The following TMTC2 variants were observed in gnomAD, a reference collection of about 807,000 sequenced individuals.
The protein encoded by TMTC2 is transmembrane O-mannosyltransferase targeting cadherins 2, also known as protein O-mannosyl-transferase TMTC2.
A neutral mutation model predicts 82.4 loss-of-function variants in TMTC2; 43 were observed. That is an observed-to-expected ratio of 0.52 (90% CI 0.41 to 0.67). TMTC2 has a LOEUF of 0.67. TMTC2 is among the 30% of genes least tolerant of loss of function. TMTC2 has a pLI of 0.00. For missense variants in TMTC2, 919 were observed against 1,012.4 expected, an observed-to-expected ratio of 0.91 and a Z score of 1.25; for synonymous variants, 408 against 381.9, an observed-to-expected ratio of 1.07 and a Z score of -0.80.
intron 3 of TMTC2, among the ~76,000 whole-genome samples, chr12:82,906,945 A>G (rs1025841973): frequency 6.6e-6 from 1 of 152,214 alleles, no homozygotes; most frequent in Non-Finnish European, 1.5e-5. Flanking sequence ...TTCTCAGTCC[A>G]TATCTTCTCT....
At chr12:82,724,085 G>A (rs1415630436) in intron 1 of TMTC2, among the ~76,000 whole-genome samples, 1 of 152,216 alleles carries the variant, frequency 6.6e-6, no homozygotes, top group African/African-American at 2.4e-5. Flanking sequence ...ATGCCCTGGG[G>A]AAAGAAATTT....
rs137876343 is a variant in TMTC2 at position 82,896,156 on chromosome 12, G to A, written c.993G>A (p.Pro331=). ...LLLAYYGLKS[P]SVDRECNGKT... is the part of the protein sequence containing the mutation. ...TTGCCTACTATGGTTTGAAGAGCCC[G>A]AGCGTAGACAGAGAATGCAATGGGA... Residue 331 remains proline (P), a synonymous_variant, in exon 3 of 12, where the codon CCG becomes CCA. Coordinates refer to ENST00000321196, the MANE Select transcript of TMTC2 (RefSeq NM_152588.3). The A allele has an allele frequency of 1.9e-5, 30 of 1,613,932 alleles. No homozygotes were observed. In the African/African-American group the frequency reaches 3.2e-4, roughly 17 times the overall value.
intron 1 of TMTC2, among the ~76,000 whole-genome samples, chr12:82,773,347 ATAAT>A (rs1451882142): frequency 1.3e-5 from 2 of 152,182 alleles, no homozygotes; most frequent in Admixed American, 1.3e-4. Flanking sequence ...TTTGTGATAA[ATAAT>A]TAATATTACT....
intron 8 of TMTC2, among the ~76,000 whole-genome samples, chr12:83,018,126 C>T (rs2019742): frequency 0.77 from 116,170 of 150,872 alleles, 46,069 homozygotes; most frequent in South Asian, 0.93. Context: ...GATTTGAGAG[C>T]AGCAAGTGGC....
At chr12:82,745,687 C>G (rs1338806853) in intron 1 of TMTC2, among the ~76,000 whole-genome samples, 2 of 152,096 alleles carry the variant, frequency 1.3e-5, no homozygotes, top group Non-Finnish European at 2.9e-5. Context: ...ATGCAGGTGT[C>G]ACATCAGCCT....
At chr12:83,007,562 T>C (rs11835460) in intron 8 of TMTC2, among the ~76,000 whole-genome samples, 2,712 of 152,298 alleles carry the variant, frequency 0.018, 70 homozygotes, top group African/African-American at 0.061. Context: ...GTATTCACAA[T>C]TCCTCCCTCC....
intron 3 of TMTC2, among the ~76,000 whole-genome samples, chr12:82,923,683 T>C (rs536052065): frequency 3.9e-5 from 6 of 152,310 alleles, no homozygotes; most frequent in African/African-American, 1.4e-4. Context: ...TCAGTTCTCA[T>C]TGTTCTCATA....
At chr12:83,029,006 G>A (rs1881300736) in intron 8 of TMTC2, among the ~76,000 whole-genome samples, 1 of 152,208 alleles carries the variant, frequency 6.6e-6, no homozygotes, top group Non-Finnish European at 1.5e-5. Flanking sequence ...AAATGAGGAA[G>A]TCTGTTGTCT....
intron 8 of TMTC2, among the ~76,000 whole-genome samples, chr12:82,996,936 G>C (rs915143044): frequency 6.6e-6 from 1 of 152,018 alleles, no homozygotes; most frequent in Non-Finnish European, 1.5e-5. Flanking sequence ...ATGACCTTAT[G>C]TTGTAAGATT....
At chr12:82,877,812 C>T (rs954601393) in intron 2 of TMTC2, among the ~76,000 whole-genome samples, 2 of 151,932 alleles carry the variant, frequency 1.3e-5, no homozygotes, top group African/African-American at 4.8e-5. Flanking sequence ...GTTTTAATGC[C>T]CCAATTAATA....
chr12:82,727,466 G>T (rs1874518717), intron 1 of TMTC2, among the ~76,000 whole-genome samples: 1 of 151,882 alleles, frequency 6.6e-6, no homozygotes. Flanking sequence ...GTTTTTTTAA[G>T]GCTGGGCGTG....
At chr12:83,080,274 A>C (rs12318195) in intron 11 of TMTC2, among the ~76,000 whole-genome samples, 1 of 152,298 alleles carries the variant, frequency 6.6e-6, no homozygotes, top group South Asian at 2.1e-4. Flanking sequence ...ACACAGTGAT[A>C]TATAAACAAA....
At chr12:83,089,586 G>A (rs369991954) in intron 11 of TMTC2, among the ~76,000 whole-genome samples, 1 of 152,232 alleles carries the variant, frequency 6.6e-6, no homozygotes. Context: ...AATAGTAATA[G>A]GCTGCTCTTA....
At chr12:83,067,579 A>T (rs985892914) in intron 11 of TMTC2, among the ~76,000 whole-genome samples, 6 of 152,144 alleles carry the variant, frequency 3.9e-5, no homozygotes, top group African/African-American at 1.4e-4. Context: ...TTTAGGTAGT[A>T]AATTATTTAA....
chr12:82,740,811 C>T (rs1023014879), intron 1 of TMTC2, among the ~76,000 whole-genome samples: 17 of 152,294 alleles, frequency 1.1e-4, no homozygotes, highest in African/African-American at 4.1e-4. Context: ...CAGTTGCCTA[C>T]CTTTCTTTGA....
intron 1 of TMTC2, among the ~76,000 whole-genome samples, chr12:82,810,414 T>A (rs574411827): frequency 1.4e-4 from 21 of 145,702 alleles, no homozygotes; most frequent in Admixed American, 4.7e-4. Context: ...TTATTTTTTT[T>A]ATTATTTTTA....
intron 2 of TMTC2, among the ~76,000 whole-genome samples, chr12:82,858,017 T>G (rs1034367642): frequency 4.6e-5 from 7 of 152,226 alleles, no homozygotes; most frequent in African/African-American, 1.7e-4. Flanking sequence ...CTGAGTTGAC[T>G]TTGGAAAACA....
intron 1 of TMTC2, among the ~76,000 whole-genome samples, chr12:82,742,146 TC>T (rs1443996136): frequency 2.0e-5 from 3 of 152,118 alleles, no homozygotes; most frequent in African/African-American, 7.2e-5. Context: ...CTAAGGCGCA[TC>T]CCTACTTATT....
Position 82,857,139 on chromosome 12 carries a change from T to C in TMTC2, c.213T>C (p.Leu71=). ...AGTCCTACCGGCCACTCTGCACTCT[T>C]TCTTTTCGCCTGAACCATGCCATTG... ...SHKSYRPLCT[L]SFRLNHAIGG... is the part of the protein sequence containing the mutation. Residue 71 remains leucine, a synonymous_variant, in exon 2 of 12, where the codon CTT becomes CTC. Coordinates refer to ENST00000321196, the MANE Select transcript of TMTC2 (RefSeq NM_152588.3). 6.2e-7 allele frequency: 1 copy of C among 1,614,178 alleles called. No homozygotes were observed. Among genetic ancestry groups the C allele is most frequent in the Non-Finnish European group, 8.5e-7 (1 of 1,180,022 alleles).
Sources: gnomAD v4.1 joint callset for allele counts (sites outside exome capture counted in the v4.1 genomes callset) on GRCh38, gnomAD v4.1.1 for gene constraint, MANE v1.5 for transcripts, NCBI Gene and HGNC (gene_info 2026-07-23, HGNC 2026-07-21) for gene names.